Variants in MAMDC2 observed in about 807,000 individuals in gnomAD.
MAMDC2 encodes MAM domain-containing protein 2.
Under a neutral mutation model 89.8 loss-of-function variants are expected in MAMDC2, and 57 were observed. The ratio of observed to expected loss-of-function variants is 0.63; its 90% confidence interval spans 0.51 to 0.79. The LOEUF is 0.79. Among genes scored for constraint, MAMDC2 ranks in the 30% least tolerant of loss-of-function variants. The pLI is 0.00. For synonymous variants in MAMDC2, 313 were observed against 293.4 expected, an observed-to-expected ratio of 1.07 and a Z score of -0.68; for missense variants, 800 against 820.6, an observed-to-expected ratio of 0.97 and a Z score of 0.31.
At chr9:70,097,872 A>C (rs2118205864) in intron 2 of MAMDC2, among the ~76,000 whole-genome samples, 1 of 152,284 alleles carries the variant, frequency 6.6e-6, no homozygotes, top group African/African-American at 2.4e-5. Context: ...AAAATGAAAA[A>C]TTTCTTGAAT....
At chr9:70,203,094 CATT>C (rs2033139746) in intron 11 of MAMDC2, among the ~76,000 whole-genome samples, 1 of 151,848 alleles carries the variant, frequency 6.6e-6, no homozygotes, top group Non-Finnish European at 1.5e-5. Context: ...TTGATCCTGT[CATT>C]ATGATGTTAG....
intron 2 of MAMDC2, among the ~76,000 whole-genome samples, chr9:70,101,406 T>C (rs948092778): frequency 1.1e-4 from 16 of 152,224 alleles, no homozygotes; most frequent in African/African-American, 3.9e-4. Context: ...ACAGTGTTTG[T>C]AAGTCTACAG....
In MAMDC2 at chr9:70,221,299, T is replaced by C. The variant is rs567930567; in HGVS notation, c.1911+2703T>C. Among the ~76,000 whole-genome samples, 4 of 138,012 alleles carry C rather than the reference T, an allele frequency of 2.9e-5. No individual in the cohort carries two copies. The South Asian group carries it at 9.5e-4, about 33-fold the overall frequency. 90.5% of individuals were successfully genotyped at this position (138,012 alleles called of 152,430 possible). A position where few individuals can be genotyped will look rare whatever the true frequency, so the allele number is the denominator to read the frequency against. On this transcript the variant is annotated intron_variant, in intron 12 of 13. Coordinates refer to ENST00000377182, the MANE Select transcript of MAMDC2 (RefSeq NM_153267.5). ...GAGGCCAGGAGTTTGAGGTTTGAGA[T>C]CAGCCTGGCAACATATTGAGACCCT...
intron 2 of MAMDC2, among the ~76,000 whole-genome samples, chr9:70,089,930 C>G (rs1421620881): frequency 6.6e-6 from 1 of 151,980 alleles, no homozygotes; most frequent in Non-Finnish European, 1.5e-5. Flanking sequence ...GTCTTATACT[C>G]ATGTAAATAG....
chr9:70,095,505 A>G (rs899933341), intron 2 of MAMDC2, among the ~76,000 whole-genome samples: 7 of 152,228 alleles, frequency 4.6e-5, no homozygotes, highest in Admixed American at 2.0e-4. Context: ...GGAGGAATCA[A>G]TGAAGACACT....
At chr9:70,108,930 A>G (rs3015212) in intron 3 of MAMDC2, among the ~76,000 whole-genome samples, 9,709 of 152,286 alleles carry the variant, frequency 0.064, 990 homozygotes, top group African/African-American at 0.21. Context: ...AGATACTTAA[A>G]GGACATGTTC....
chr9:70,140,302 C>T lies in MAMDC2; in HGVS notation c.1138+14C>T. On this transcript the variant is annotated intron_variant, in intron 8 of 13. Transcript: ENST00000377182. ...CTACAGGCTTAGGTAAATCAGAGAT[C>T]TGTCTATGTGGGGACATCTTGGGTA... The T allele has an allele frequency of 6.3e-7, 1 of 1,587,400 alleles. No homozygotes were observed. The highest frequency in any genetic ancestry group is 8.5e-7 in the Non-Finnish European group (1 of 1,170,276).
chr9:70,080,230 T>C (rs1047208222), intron 2 of MAMDC2, among the ~76,000 whole-genome samples: 19 of 152,234 alleles, frequency 1.2e-4, no homozygotes, highest in African/African-American at 4.1e-4. Flanking sequence ...AGCAGCGTGC[T>C]GCATGCATCT....
intron 2 of MAMDC2, among the ~76,000 whole-genome samples, chr9:70,105,493 G>T (rs1298043064): frequency 6.6e-6 from 1 of 152,100 alleles, no homozygotes; most frequent in African/African-American, 2.4e-5. Flanking sequence ...CAATCAGCTG[G>T]GTAGATACAT....
chr9:70,193,238 GTAATC>G (rs2032919745), intron 11 of MAMDC2, among the ~76,000 whole-genome samples: 1 of 152,034 alleles, frequency 6.6e-6, no homozygotes, highest in African/African-American at 2.4e-5. Flanking sequence ...TTTTTGGAAA[GTAATC>G]TATATTATAA....
intron 9 of MAMDC2, among the ~76,000 whole-genome samples, chr9:70,152,276 C>T (rs953773914): frequency 6.7e-6 from 1 of 150,288 alleles, no homozygotes; most frequent in African/African-American, 2.4e-5. Flanking sequence ...AGGGATGAAG[C>T]AACGCTAAGA....
chr9:70,082,229 TATAA>T (rs538933133), intron 2 of MAMDC2, among the ~76,000 whole-genome samples: 1 of 152,134 alleles, frequency 6.6e-6, no homozygotes, highest in Non-Finnish European at 1.5e-5. Flanking sequence ...ACCCTGTCTC[TATAA>T]ATAAATAAAT....
intron 11 of MAMDC2, among the ~76,000 whole-genome samples, chr9:70,212,913 G>C (rs549001998): frequency 2.0e-5 from 3 of 152,322 alleles, no homozygotes; most frequent in East Asian, 3.9e-4. Context: ...CCAAAGAACA[G>C]ATGGTTAGAG....
intron 2 of MAMDC2, among the ~76,000 whole-genome samples, chr9:70,094,573 A>C (rs1274507700): frequency 6.6e-6 from 1 of 152,224 alleles, no homozygotes; most frequent in Non-Finnish European, 1.5e-5. Context: ...AATAACAGCA[A>C]ATTGAGTAAT....
intron 11 of MAMDC2, among the ~76,000 whole-genome samples, chr9:70,192,273 C>T (rs1176820565): frequency 1.3e-5 from 2 of 152,048 alleles, no homozygotes; most frequent in Non-Finnish European, 2.9e-5. Context: ...TACAGCTCTG[C>T]TACAAGTTAC....
At chr9:70,155,718 C>T (rs1050514629) in intron 9 of MAMDC2, among the ~76,000 whole-genome samples, 1 of 152,190 alleles carries the variant, frequency 6.6e-6, no homozygotes, top group African/African-American at 2.4e-5. Context: ...TGTGGCTTCT[C>T]ATTCCTCAAA....
chr9:70,146,215 T>C (rs1313635119), intron 9 of MAMDC2, among the ~76,000 whole-genome samples: 4 of 152,298 alleles, frequency 2.6e-5, no homozygotes, highest in African/African-American at 9.6e-5. Context: ...GCCCTTTTCT[T>C]CTTTGGAGGC....
At chr9:70,088,538 G>A (rs925024385) in intron 2 of MAMDC2, 8 of 151,812 alleles carry the variant, frequency 5.3e-5, no homozygotes, top group Non-Finnish European at 8.8e-5. Context: ...AAACTTTCAC[G>A]TAAATGAGTG....
At position 70,183,237 on chromosome 9, in the gene MAMDC2, T is replaced by C. The variant is rs139818527; in HGVS notation, c.1651+12606T>C. On this transcript the variant is annotated intron_variant, in intron 11 of 13. Transcript: ENST00000377182. ...ACTGTTTGTTATGATTTCTGTTCTT[T>C]TGCATTTACTGAGGAGTGTTTTACT... Among the ~76,000 whole-genome samples, 601 of 152,332 alleles carry C rather than the reference T, an allele frequency of 3.9e-3. 3 individuals are homozygous for C. The highest frequency in any genetic ancestry group is 0.013 in the African/African-American group (552 of 41,574).
Sources: gnomAD v4.1 joint callset for allele counts (sites outside exome capture counted in the v4.1 genomes callset) on GRCh38, gnomAD v4.1.1 for gene constraint, MANE v1.5 for transcripts, NCBI Gene and HGNC (gene_info 2026-07-23, HGNC 2026-07-21) for gene names.